Variants in PCDHGA4 observed in about 807,000 individuals in gnomAD.
PCDHGA4 encodes protocadherin gamma subfamily A, 4.
Under a neutral mutation model 54.6 loss-of-function variants are expected in PCDHGA4, and 38 were observed. The observed-to-expected ratio is 0.70, with a 90% CI of 0.54 to 0.91. The LOEUF (loss-of-function observed/expected upper bound fraction) is 0.91, where lower values mean the gene tolerates loss of function less well. Ranked by LOEUF, PCDHGA4 falls within the 40% of genes least tolerant of loss-of-function variation. PCDHGA4 has a pLI of 0.00. For missense variants in PCDHGA4, 1,298 were observed against 1,220.9 expected (o/e 1.06, Z -0.94); for synonymous variants, 511 against 512.9 (o/e 1.00, Z 0.05).
intron 1 of PCDHGA4, among the ~76,000 whole-genome samples, chr5:141,471,107 G>T (rs1023848236): frequency 1.3e-5 from 2 of 148,554 alleles, no homozygotes; most frequent in East Asian, 2.0e-4. Context: ...AGAGTGCAGT[G>T]GTGCGATCTT....
chr5:141,421,642 G>A, intron 1 of PCDHGA4: 1 of 1,613,850 alleles, frequency 6.2e-7, no homozygotes, highest in South Asian at 1.1e-5. Flanking sequence ...GGAGGACGAA[G>A]TGGAGATAAA....
At chr5:141,467,767 C>T (rs72790060) in intron 1 of PCDHGA4, among the ~76,000 whole-genome samples, 25,555 of 151,632 alleles carry the variant, frequency 0.17, 2,195 homozygotes, top group South Asian at 0.22. Context: ...GCTCAAGTGC[C>T]CGCACCTCAG....
chr5:141,470,791 A>G (rs1234712958), intron 1 of PCDHGA4, among the ~76,000 whole-genome samples: 3 of 152,152 alleles, frequency 2.0e-5, no homozygotes, highest in African/African-American at 7.2e-5. Context: ...GGGCTCAAGC[A>G]ATCCTCCCAC....
At chr5:141,483,323 G>A (rs2099579999) in intron 1 of PCDHGA4, among the ~76,000 whole-genome samples, 1 of 152,104 alleles carries the variant, frequency 6.6e-6, no homozygotes, top group Non-Finnish European at 1.5e-5. Flanking sequence ...GGGACTGGAG[G>A]CAAAGAGATC....
At position 141,431,248 on chromosome 5, in the gene PCDHGA4, G is replaced by T. The variant is rs1213088915; in HGVS notation, c.2515-63559G>T. ...CCCACGCCTGGGATCCGGATATCGG[G>T]AAGAACTCTCTGCAGAGCTACGAGC... On this transcript the variant is annotated intron_variant, in intron 1 of 3. Coordinates refer to ENST00000571252, the MANE Select transcript of PCDHGA4 (RefSeq NM_018917.4). The surrounding 1 kb of genome is among the most constrained non-coding windows in gnomAD (Gnocchi z 4.8). 6.2e-7 allele frequency: 1 copy of T among 1,614,022 alleles called. No individual in the cohort carries two copies. The highest frequency in any genetic ancestry group is 8.5e-7 in the Non-Finnish European group (1 of 1,180,056).
chr5:141,400,220 T>C, intron 1 of PCDHGA4: 1 of 1,614,006 alleles, frequency 6.2e-7, no homozygotes. Context: ...ATCTCAGTGC[T>C]CTTCCTCCTG....
chr5:141,420,251 G>A lies in PCDHGA4; in HGVS notation c.2514+62630G>A, dbSNP rs778777293. ...TAGCATTTTAACTCCCAGCGTTGAA[G>A]CAGATAAGAAGATTCTTAAACAGGT... is the stretch of plus-strand genomic sequence containing the variant. On this transcript the variant is annotated intron_variant, in intron 1 of 3. Transcript: ENST00000571252. The A allele has an allele frequency of 2.9e-5, 46 of 1,578,746 alleles. No homozygotes were observed. In the South Asian group the frequency reaches 4.5e-4, roughly 15 times the overall value.
In PCDHGA4 at chr5:141,511,233, T is replaced by C. The variant is rs776405064; in HGVS notation, c.*60T>C. 5.0e-6 allele frequency: 8 copies of C among 1,595,310 alleles called. No homozygotes were observed. Among genetic ancestry groups the C allele is most frequent in the Non-Finnish European group, 6.8e-6 (8 of 1,170,902 alleles). On this transcript the variant is annotated 3_prime_UTR_variant, in exon 4 of 4. Transcript: ENST00000571252. ...CTCCCCAACCAGCCCAGCTTCTCCT[T>C]ACCTGCACCCAGGCCTCAGAGTTTC...
chr5:141,432,506 G>A lies in PCDHGA4; in HGVS notation c.2515-62301G>A. 3 of 1,614,140 alleles carry A rather than the reference G, an allele frequency of 1.9e-6. No homozygotes were observed. Among genetic ancestry groups the A allele is most frequent in the Non-Finnish European group, 2.5e-6 (3 of 1,180,036 alleles). On this transcript the variant is annotated intron_variant, in intron 1 of 3. Transcript: ENST00000571252. This position sits in a 1 kb window ranked among gnomAD's most constrained non-coding sequence, Gnocchi z 6.0. ...CGTGGAGCTGGCTCCCCGCTCCGCA[G>A]AGCCCGGCTACCTGGTGACCAAGGT... is the stretch of plus-strand genomic sequence containing the variant.
At chr5:141,403,811 A>C in intron 1 of PCDHGA4, 1 of 1,613,930 alleles carries the variant, frequency 6.2e-7, no homozygotes, top group Non-Finnish European at 8.5e-7. Flanking sequence ...AATTAATGAA[A>C]AACAATCTCT....
chr5:141,446,455 T>G (rs1347586383), intron 1 of PCDHGA4, among the ~76,000 whole-genome samples: 1 of 151,858 alleles, frequency 6.6e-6, no homozygotes, highest in Non-Finnish European at 1.5e-5. Context: ...AGATATTCAG[T>G]GTGTGATTAG....
intron 1 of PCDHGA4, among the ~76,000 whole-genome samples, chr5:141,451,611 G>C (rs1004906441): frequency 6.6e-6 from 1 of 152,166 alleles, no homozygotes; most frequent in Admixed American, 6.5e-5. Context: ...GCTAGGCATG[G>C]TGGCTCAAAC....
intron 1 of PCDHGA4, chr5:141,387,922 G>A (rs764365334): frequency 2.0e-6 from 3 of 1,478,496 alleles, no homozygotes; most frequent in African/African-American, 2.8e-5. Context: ...CGGGCTGAGA[G>A]GCTGCCAGTG....
At chr5:141,375,842 C>G (rs547807235) in intron 1 of PCDHGA4, 4 of 1,614,122 alleles carry the variant, frequency 2.5e-6, no homozygotes, top group Non-Finnish European at 3.4e-6. Context: ...GCCCGGCTAC[C>G]TGGTGACCAA....
chr5:141,362,619 G>A, intron 1 of PCDHGA4: 1 of 1,526,806 alleles, frequency 6.5e-7, no homozygotes, highest in Non-Finnish European at 8.8e-7. Flanking sequence ...TGGGTAGGAA[G>A]TTCCACTGCG....
At chr5:141,415,749 T>TG in intron 1 of PCDHGA4, 2 of 1,214,000 alleles carry the variant, frequency 1.6e-6, no homozygotes, top group Non-Finnish European at 1.1e-6. Context: ...GGTTTTTTTT[T>TG]TTTTTTTTTT....
At chr5:141,488,687 GA>G (rs1238909682) in intron 1 of PCDHGA4, among the ~76,000 whole-genome samples, 1 of 152,192 alleles carries the variant, frequency 6.6e-6, no homozygotes, top group East Asian at 1.9e-4. Flanking sequence ...GCCTCTCCCA[GA>G]AGGACAAGAT....
At chr5:141,366,079 A>G (rs368547508) in intron 1 of PCDHGA4, 2 of 1,614,220 alleles carry the variant, frequency 1.2e-6, no homozygotes, top group East Asian at 2.2e-5. Context: ...GCTCCGCAGA[A>G]CCTGGCTACC....
At chr5:141,389,325 C>T (rs368804822) in intron 1 of PCDHGA4, 6 of 1,613,886 alleles carry the variant, frequency 3.7e-6, no homozygotes, top group Admixed American at 3.3e-5. Flanking sequence ...GGACTTGGGG[C>T]CCAACGGCCA....
Sources: allele counts gnomAD v4.1 joint callset (sites outside exome capture counted in the v4.1 genomes callset), GRCh38; gene constraint gnomAD v4.1.1; non-coding constraint Gnocchi (gnomAD v3.1); transcripts MANE v1.5; gene names NCBI Gene and HGNC (gene_info 2026-07-23, HGNC 2026-07-21).